Variants in LINC00632 observed in about 807,000 individuals in gnomAD.
LINC00632 encodes the protein ALDOA related specific transcript.
chrX:140,768,642 T>C (rs906997001), intron 3 of LINC00632, among the ~76,000 whole-genome samples: 1 of 33,028 alleles, frequency 3.0e-5, no homozygotes, highest in Admixed American at 3.5e-4. Flanking sequence ...TACTATATAA[T>C]ATATTTATTA....
intron 3 of LINC00632, among the ~76,000 whole-genome samples, chrX:140,759,136 G>GT (rs1210922152): frequency 2.0e-5 from 2 of 97,896 alleles, no homozygotes; most frequent in African/African-American, 8.3e-5. Context: ...AGTTAATTTT[G>GT]TATTTTTTTT....
intron 3 of LINC00632, among the ~76,000 whole-genome samples, chrX:140,767,192 C>T (rs1322690672): frequency 9.0e-6 from 1 of 111,137 alleles, no homozygotes; most frequent in Non-Finnish European, 1.9e-5. Context: ...GGCTTTCCTG[C>T]TTAATAAATG....
At position 140,758,412 on chromosome X, in the gene LINC00632, C is replaced by G. The variant is rs749848019; in HGVS notation, n.192-13666C>G. Among the ~76,000 whole-genome samples the G allele has an allele frequency of 1.8e-3, 170 of 92,262 alleles. 1 individual carries two copies. The highest frequency in any genetic ancestry group is 7.9e-3 in the Middle Eastern group (1 of 127). 80.1% of individuals were successfully genotyped at this position (92,262 alleles called of 115,157 possible). A position where few individuals can be genotyped will look rare whatever the true frequency, so the allele number is the denominator to read the frequency against. On this transcript the variant is annotated intron_variant and non_coding_transcript_variant, in intron 3 of 4. Coordinates refer to ENST00000648200, the Ensembl canonical transcript of LINC00632. ...TTTTTTGACAGAGTTTTGCTCTTGT[C>G]TCCCAGGCTAGAGTGCAATAGTGTG...
intron 3 of LINC00632, among the ~76,000 whole-genome samples, chrX:140,758,838 G>T (rs1040699352): frequency 9.0e-6 from 1 of 111,544 alleles, no homozygotes; most frequent in African/African-American, 3.3e-5. Context: ...TGTCTGTATT[G>T]GTGTGAATGA....
chrX:140,738,225 T>C (rs1931173684), intron 3 of LINC00632, among the ~76,000 whole-genome samples: 1 of 111,769 alleles, frequency 8.9e-6, no homozygotes, highest in Admixed American at 9.5e-5. Context: ...CTTAGGTAGA[T>C]TCATTTTAAG....
exon 5 of LINC00632, among the ~76,000 whole-genome samples, chrX:140,780,206 T>C (rs954227381): frequency 8.9e-6 from 1 of 112,050 alleles, no homozygotes. Context: ...ATTATTATTA[T>C]TATTATAACA....
Position 140,762,857 on chromosome X carries a change from T to G in LINC00632, n.192-9221T>G, listed in dbSNP as rs73576510. On this transcript the variant is annotated intron_variant and non_coding_transcript_variant, in intron 3 of 4. Coordinates refer to ENST00000648200, the Ensembl canonical transcript of LINC00632. The stretch of plus-strand genomic sequence containing the variant: ...TAAACATTATTTTTAGGTGAAAGAT[T>G]GTACAAAAAATGACCATAGGCGTGA... Among the ~76,000 whole-genome samples the G allele has an allele frequency of 7.9e-3, 880 of 112,080 alleles. 12 individuals are homozygous for G. The highest frequency in any genetic ancestry group is 0.027 in the African/African-American group (839 of 30,861).
chrX:140,722,866 A>G (rs2148379206), intron 2 of LINC00632, among the ~76,000 whole-genome samples: 1 of 110,654 alleles, frequency 9.0e-6, no homozygotes, highest in Admixed American at 9.7e-5. Flanking sequence ...CCTGACCAAC[A>G]TGGAGAAACC....
chrX:140,778,046 C>T (rs1478937113), exon 5 of LINC00632, among the ~76,000 whole-genome samples: 3 of 112,211 alleles, frequency 2.7e-5, no homozygotes, highest in Admixed American at 1.9e-4. Context: ...GAGGCAGTAC[C>T]TACTGGGAGT....
At chrX:140,768,617 CAT>C (rs1464919494) in intron 3 of LINC00632, among the ~76,000 whole-genome samples, 11 of 80,238 alleles carry the variant, frequency 1.4e-4, no homozygotes, top group African/African-American at 4.8e-4. Flanking sequence ...ATATTTATCA[CAT>C]AATAAATATA....
exon 5 of LINC00632, among the ~76,000 whole-genome samples, chrX:140,785,029 C>T (rs1053070786): frequency 1.8e-5 from 2 of 110,838 alleles, no homozygotes; most frequent in African/African-American, 6.6e-5. Context: ...ATACAGTTTA[C>T]TATGTTTAGG....
intron 2 of LINC00632, among the ~76,000 whole-genome samples, chrX:140,725,516 A>G (rs1279798713): frequency 2.3e-5 from 2 of 86,707 alleles, no homozygotes; most frequent in Non-Finnish European, 4.7e-5. Context: ...ATGCATACGC[A>G]GGTATGTCCC....
intron 2 of LINC00632, among the ~76,000 whole-genome samples, chrX:140,712,979 CTG>C (rs984570697): frequency 9.0e-6 from 1 of 110,859 alleles, no homozygotes; most frequent in South Asian, 3.9e-4. Context: ...CCGCATTAGA[CTG>C]TGTTTTGTTT....
chrX:140,731,746 C>T (rs113188782), intron 2 of LINC00632, among the ~76,000 whole-genome samples: 9,053 of 110,293 alleles, frequency 0.082, 322 homozygotes, highest in Admixed American at 0.17. Flanking sequence ...AAGGACAAAA[C>T]GTCCACATGG....
At chrX:140,762,222 A>G (rs368000982) in intron 3 of LINC00632, among the ~76,000 whole-genome samples, 6 of 46,763 alleles carry the variant, frequency 1.3e-4, no homozygotes, top group Non-Finnish European at 2.0e-4. Flanking sequence ...AGAGAGAGAG[A>G]GAGAGAGAGA....
At position 140,784,628 on chromosome X, in the gene LINC00632, C is replaced by T. The variant is rs934683061; in HGVS notation, n.12647C>T. 9.6e-6 allele frequency: 4 copies of T among 417,181 alleles called. No individual in the cohort carries two copies. In the East Asian group the frequency reaches 1.2e-4, roughly 13 times the overall value. 34.4% of individuals were successfully genotyped at this position (417,181 alleles called of 1,213,427 possible). ...CGTCTCCAGTGTGCTGATCTTCTGACATTCAGGTCTTCCAGTGTCTGCAAT... is the reference window on the plus strand; with the variant it reads ...CGTCTCCAGTGTGCTGATCTTCTGATATTCAGGTCTTCCAGTGTCTGCAAT... On this transcript the variant is annotated non_coding_transcript_exon_variant, in exon 5 of 5. Coordinates refer to ENST00000648200, the Ensembl canonical transcript of LINC00632.
rs187343520 is a variant in LINC00632, at chrX:140,749,092, T to C, written n.191+15128T>C. Among the ~76,000 whole-genome samples, 20 of 110,026 alleles carry C rather than the reference T, an allele frequency of 1.8e-4. No homozygotes were observed. In the East Asian group the frequency reaches 5.7e-3, roughly 31 times the overall value. ...TATACTTCTGATTCTCAGATAAAAT[T>C]TGCAGACATGTTTTGATGTACTTTA... On this transcript the variant is annotated intron_variant and non_coding_transcript_variant, in intron 3 of 4. Transcript: ENST00000648200.
At chrX:140,729,862 CTTCTTTTCTTTT>C (rs1265249669) in intron 2 of LINC00632, among the ~76,000 whole-genome samples, 1 of 107,025 alleles carries the variant, frequency 9.3e-6, no homozygotes, top group Non-Finnish European at 1.9e-5. Flanking sequence ...ATATATGCCT[CTTCTTTTCTTTT>C]TTCTTTTTTT....
At chrX:140,739,420 C>A (rs763551784) in intron 3 of LINC00632, among the ~76,000 whole-genome samples, 1 of 110,314 alleles carries the variant, frequency 9.1e-6, no homozygotes, top group South Asian at 4.0e-4. Context: ...GGGGTTTCTC[C>A]ATGTTGGTCA....
Sources: gnomAD v4.1 joint callset for allele counts (sites outside exome capture counted in the v4.1 genomes callset) on GRCh38, gnomAD v4.1.1 for gene constraint, MANE v1.5 for transcripts, NCBI Gene and HGNC (gene_info 2026-07-23, HGNC 2026-07-21) for gene names.